The following CADM1 variants were observed in gnomAD, a reference collection of about 807,000 sequenced individuals.
CADM1 encodes cell adhesion molecule 1.
Under a neutral mutation model 53.1 loss-of-function variants are expected in CADM1, and 15 were observed. The observed-to-expected ratio is 0.28, with a 90% confidence interval of 0.19 to 0.44. The LOEUF is 0.44. Among genes scored for constraint, CADM1 ranks in the 20% least tolerant of loss-of-function variants. The pLI, the probability that CADM1 is intolerant of heterozygous loss-of-function variation, is 1.00. For synonymous variants in CADM1, 281 were observed against 243.0 expected (o/e 1.16, Z -1.45); for missense variants, 434 against 611.3 (o/e 0.71, Z 3.06).
intron 1 of CADM1, among the ~76,000 whole-genome samples, chr11:115,427,008 T>C (rs1022213578): frequency 1.3e-5 from 2 of 152,170 alleles, no homozygotes; most frequent in Non-Finnish European, 2.9e-5. Flanking sequence ...TTTAGTTTTG[T>C]TCCATAGGAG....
Position 115,400,528 on chromosome 11 carries a change from G to A in CADM1, c.124+103743C>T, listed in dbSNP as rs1343406955. On this transcript the variant is annotated intron_variant, in intron 1 of 11. Coordinates refer to ENST00000331581, the MANE Select transcript of CADM1 (RefSeq NM_001301043.2). ...ACTTCACATTATATATCAGAATACT[G>A]TCAAAATCAGACCTACATATATATA... Among the ~76,000 whole-genome samples, 6 of 143,500 alleles carry A rather than the reference G, an allele frequency of 4.2e-5. No homozygotes were observed. In the East Asian group the frequency reaches 1.2e-3, roughly 29 times the overall value. The allele number at this position is 143,500 out of a possible 152,430, so 94.1% of individuals were successfully genotyped here.
intron 1 of CADM1, among the ~76,000 whole-genome samples, chr11:115,351,890 G>C (rs1170577358): frequency 6.6e-6 from 1 of 152,104 alleles, no homozygotes; most frequent in Non-Finnish European, 1.5e-5. Flanking sequence ...GAAAGACAAT[G>C]GTTTTCCTCA....
chr11:115,333,985 A>G (rs1291706341), intron 1 of CADM1, among the ~76,000 whole-genome samples: 1 of 152,136 alleles, frequency 6.6e-6, no homozygotes, highest in Non-Finnish European at 1.5e-5. Context: ...CAGCTCATGG[A>G]TGCAAAAACA....
At chr11:115,215,540 C>G (rs1565303201) in intron 6 of CADM1, among the ~76,000 whole-genome samples, 1 of 152,180 alleles carries the variant, frequency 6.6e-6, no homozygotes, top group Non-Finnish European at 1.5e-5. Context: ...TCAGGCTAAT[C>G]ACCATGGCAT....
chr11:115,357,684 G>C (rs1945912883), intron 1 of CADM1, among the ~76,000 whole-genome samples: 3 of 152,132 alleles, frequency 2.0e-5, no homozygotes, highest in African/African-American at 7.2e-5. Context: ...AATGTATTTT[G>C]AGCACAGCAC....
At chr11:115,257,929 G>T (rs1942846114) in intron 1 of CADM1, among the ~76,000 whole-genome samples, 1 of 152,204 alleles carries the variant, frequency 6.6e-6, no homozygotes. Context: ...TGCATGCCTA[G>T]TAAGCTCACA....
chr11:115,407,531 G>C (rs1438624982), intron 1 of CADM1, among the ~76,000 whole-genome samples: 2 of 152,106 alleles, frequency 1.3e-5, no homozygotes, highest in African/African-American at 4.8e-5. Context: ...CATTAGGAAG[G>C]TTTCAAAAAT....
intron 1 of CADM1, among the ~76,000 whole-genome samples, chr11:115,424,368 C>T (rs1220844570): frequency 6.6e-6 from 1 of 152,190 alleles, no homozygotes; most frequent in African/African-American, 2.4e-5. Flanking sequence ...ATGTTAGGAT[C>T]ACAGGCCACC....
chr11:115,229,140 G>T lies in CADM1; in HGVS notation c.694C>A (p.Gln232Lys). The part of the protein sequence containing the change: ...VEHPAVTGNL[Q>K]TQRYLEVQYK... ...TGTACTTCTAGATACCGCTGGGTCT[G>T]CAGGTTTCCAGTGACCGCAGGGTGC... The change falls in exon 5 of 12, where the codon CAG (glutamine) becomes AAG (lysine). Residue 232 changes from glutamine to lysine, a missense_variant. Coordinates refer to ENST00000331581, the MANE Select transcript of CADM1 (RefSeq NM_001301043.2). 6.2e-7 allele frequency: 1 copy of T among 1,614,046 alleles called. No homozygotes were observed. Among genetic ancestry groups the T allele is most frequent in the South Asian group, 1.1e-5 (1 of 91,082 alleles).
intron 1 of CADM1, among the ~76,000 whole-genome samples, chr11:115,276,801 G>C (rs1420946813): frequency 1.3e-5 from 2 of 152,058 alleles, no homozygotes; most frequent in Non-Finnish European, 2.9e-5. Flanking sequence ...TTCTACCCTA[G>C]ATGCTGCTCC....
intron 1 of CADM1, among the ~76,000 whole-genome samples, chr11:115,253,181 A>G (rs1942661787): frequency 6.6e-6 from 1 of 152,228 alleles, no homozygotes; most frequent in African/African-American, 2.4e-5. Context: ...CCTGGGCTGT[A>G]TATGGTCTGT....
chr11:115,188,429 G>T (rs927528935), intron 10 of CADM1, among the ~76,000 whole-genome samples: 1 of 152,190 alleles, frequency 6.6e-6, no homozygotes, highest in Non-Finnish European at 1.5e-5. Context: ...GGATCAGCTG[G>T]GCAACTTGCT....
chr11:115,492,967 G>GTC (rs1949532260), intron 1 of CADM1, among the ~76,000 whole-genome samples: 1 of 147,438 alleles, frequency 6.8e-6, no homozygotes, highest in East Asian at 2.0e-4. Context: ...ACACACCCTT[G>GTC]TTTGCTCACG....
At chr11:115,185,403 C>G (rs1156809555) in intron 10 of CADM1, among the ~76,000 whole-genome samples, 1 of 152,152 alleles carries the variant, frequency 6.6e-6, no homozygotes, top group Non-Finnish European at 1.5e-5. Flanking sequence ...GCTTAGCTGT[C>G]CTTTATGAAG....
intron 1 of CADM1, among the ~76,000 whole-genome samples, chr11:115,381,017 C>G (rs1442391109): frequency 1.3e-5 from 2 of 152,016 alleles, no homozygotes; most frequent in African/African-American, 4.8e-5. Context: ...AAGGTGGTAA[C>G]AGGCCAGGCA....
intron 1 of CADM1, among the ~76,000 whole-genome samples, chr11:115,430,861 CTCAT>C (rs1361986955): frequency 1.3e-5 from 2 of 152,140 alleles, no homozygotes; most frequent in East Asian, 3.9e-4. Flanking sequence ...AGTATTTTAA[CTCAT>C]TTTCGATATG....
intron 10 of CADM1, 169 bp from the exon 11 acceptor site, chr11:115,178,944 G>T: frequency 1.4e-6 from 1 of 719,800 alleles, no homozygotes; most frequent in Non-Finnish European, 2.4e-6. Context: ...GACCTGTCCA[G>T]TGCTGAATCG....
chr11:115,195,032 T>G (rs1349418573), intron 9 of CADM1, among the ~76,000 whole-genome samples: 1 of 152,188 alleles, frequency 6.6e-6, no homozygotes, highest in South Asian at 2.1e-4. Flanking sequence ...TAACACAGGA[T>G]TCTTCCTGTC....
At chr11:115,195,110 T>G (rs185496478) in intron 9 of CADM1, among the ~76,000 whole-genome samples, 173 of 152,338 alleles carry the variant, frequency 1.1e-3, no homozygotes, top group African/African-American at 4.0e-3. Context: ...ATCCCTTGTG[T>G]CAGCCTAGTC....
Sources: gnomAD v4.1 joint callset for allele counts (sites outside exome capture counted in the v4.1 genomes callset) on GRCh38, gnomAD v4.1.1 for gene constraint, MANE v1.5 for transcripts, NCBI Gene and HGNC (gene_info 2026-07-23, HGNC 2026-07-21) for gene names.